Variants in CAGE1 observed in about 807,000 individuals in gnomAD.
CAGE1 encodes the protein cancer antigen 1.
A neutral mutation model predicts 94.9 loss-of-function variants in CAGE1; 66 were observed. The observed-to-expected ratio is 0.70, with a 90% CI of 0.57 to 0.85. The LOEUF is 0.85. Ranked by LOEUF, CAGE1 falls within the 40% of genes least tolerant of loss-of-function variation. The pLI is 0.00. For missense variants in CAGE1, 865 were observed against 950.4 expected, an observed-to-expected ratio of 0.91 and a Z score of 1.18; for synonymous variants, 319 against 321.0, an observed-to-expected ratio of 0.99 and a Z score of 0.07.
At chr6:7,344,976 C>G (rs900507886) in intron 11 of CAGE1, among the ~76,000 whole-genome samples, 1 of 152,164 alleles carries the variant, frequency 6.6e-6, no homozygotes, top group East Asian at 1.9e-4. Flanking sequence ...ACAGGCCACT[C>G]GGCTCTACCA....
At chr6:7,344,606 A>ACGGCC in intron 11 of CAGE1, among the ~76,000 whole-genome samples, 1 of 151,918 alleles carries the variant, frequency 6.6e-6, no homozygotes, top group South Asian at 2.1e-4. Flanking sequence ...GTGCGGGCGT[A>ACGGCC]CGGCCCGAGA....
chr6:7,366,970 A>C (rs1161209539), intron 7 of CAGE1, among the ~76,000 whole-genome samples: 2 of 152,218 alleles, frequency 1.3e-5, no homozygotes, highest in African/African-American at 4.8e-5. Context: ...GTATAATAAT[A>C]ATCTTAATAT....
At chr6:7,384,908 A>G (rs1016804291) in intron 3 of CAGE1, among the ~76,000 whole-genome samples, 6 of 151,676 alleles carry the variant, frequency 4.0e-5, no homozygotes, top group East Asian at 1.9e-4. Context: ...CTATTGCCCA[A>G]TCTGATTTCA....
chr6:7,347,772 T>A (rs1759616247), intron 11 of CAGE1, among the ~76,000 whole-genome samples: 1 of 151,112 alleles, frequency 6.6e-6, no homozygotes, highest in Non-Finnish European at 1.5e-5. Flanking sequence ...TGTGTGGGAG[T>A]TGGGTGAGGC....
intron 11 of CAGE1, among the ~76,000 whole-genome samples, chr6:7,348,516 A>T (rs1411054722): frequency 6.6e-6 from 1 of 152,174 alleles, no homozygotes; most frequent in Non-Finnish European, 1.5e-5. Context: ...GCTCTTTAAC[A>T]TCCCCCAAAA....
At chr6:7,332,210 A>G (rs1259688941) in intron 12 of CAGE1, among the ~76,000 whole-genome samples, 3 of 152,156 alleles carry the variant, frequency 2.0e-5, no homozygotes, top group Non-Finnish European at 2.9e-5. Context: ...AGCAAAGGCC[A>G]CAGGACAGCT....
chr6:7,339,004 T>C lies in CAGE1; in HGVS notation c.2370-4914A>G. On this transcript the variant is annotated intron_variant, in intron 11 of 13. Transcript: ENST00000502583. This position sits in a 1 kb window ranked among gnomAD's most constrained non-coding sequence, Gnocchi z 4.7. ...TTACCAGTTGGGTCCCAGGGCAGCA[T>C]GATCTTCACCTTGATGCCCAGCACA... The C allele has an allele frequency of 6.2e-7, 1 of 1,606,970 alleles. No homozygotes were observed. Among genetic ancestry groups the C allele is most frequent in the Non-Finnish European group, 8.5e-7 (1 of 1,176,772 alleles).
chr6:7,343,508 C>T (rs1759275052), intron 11 of CAGE1, among the ~76,000 whole-genome samples: 1 of 152,084 alleles, frequency 6.6e-6, no homozygotes, highest in African/African-American at 2.4e-5. Flanking sequence ...TATGGTTTTG[C>T]ATGGAAAAAC....
rs1554137860 is a variant in CAGE1, at chr6:7,352,301, A to ACC, written c.2369+2739_2369+2740insGG. On this transcript the variant is annotated intron_variant, in intron 11 of 13. Transcript: ENST00000502583. ...TTTTACAATAGCTGCAAAAAAAAAA[A>ACC]AAAACAAAAAAAAACAAAAAAAAAA... is the stretch of plus-strand genomic sequence containing the variant. Among the ~76,000 whole-genome samples, 22 of 112,632 alleles carry ACC rather than the reference A, an allele frequency of 2.0e-4. No homozygotes were observed. The South Asian group carries it at 5.9e-3, about 30-fold the overall frequency. The allele number at this position is 112,632 out of a possible 152,430, so 73.9% of individuals were successfully genotyped here.
intron 11 of CAGE1, among the ~76,000 whole-genome samples, chr6:7,350,835 G>A (rs1164574456): frequency 6.6e-6 from 1 of 152,018 alleles, no homozygotes; most frequent in Non-Finnish European, 1.5e-5. Flanking sequence ...GACAGTCTAA[G>A]GTTACACCTC....
intron 4 of CAGE1, among the ~76,000 whole-genome samples, chr6:7,376,654 C>T (rs976093168): frequency 1.3e-5 from 2 of 152,020 alleles, no homozygotes; most frequent in African/African-American, 4.8e-5. Context: ...AGTATCTGAC[C>T]CACACCACCT....
Position 7,339,297 on chromosome 6 carries a change from A to T in CAGE1, c.2370-5207T>A. On this transcript the variant is annotated intron_variant, in intron 11 of 13. Transcript: ENST00000502583. The surrounding 1 kb of genome is among the most constrained non-coding windows in gnomAD (Gnocchi z 4.7). Reference sequence around the variant, plus strand: ...AATGGCACACAGACCCCTAGTGGCCACCTCTTCAGCATAAAGCTCTACACT... The same window carrying T: ...AATGGCACACAGACCCCTAGTGGCCTCCTCTTCAGCATAAAGCTCTACACT... 6.3e-7 allele frequency: 1 copy of T among 1,581,398 alleles called. No individual in the cohort carries two copies.
intron 4 of CAGE1, 73 bp from the exon 5 acceptor site, chr6:7,374,204 G>C (rs1760656458): frequency 8.0e-7 from 1 of 1,254,644 alleles, no homozygotes; most frequent in East Asian, 2.3e-5. Flanking sequence ...AATAGGGCTG[G>C]CCTTGAATTC....
chr6:7,378,622 A>G lies in CAGE1; in HGVS notation c.682T>C (p.Cys228Arg), dbSNP rs1281481580. The change falls in exon 4 of 14, where the codon TGT becomes CGT. Residue 228 changes from cysteine (C) to arginine (R), a missense_variant. Cys to Arg is a radical substitution (Grantham distance 180). Transcript: ENST00000502583. ...LNPSQPPSFLCKTAVPSKEIQ... is the reference protein window; with the variant it reads ...LNPSQPPSFLRKTAVPSKEIQ... The stretch of plus-strand genomic sequence containing the variant: ...ATATTATTGTGTACACTTTCCTTAC[A>G]TAAGAAGCTTGGAGGTTGGCTAGGG... The G allele has an allele frequency of 1.9e-6, 3 of 1,578,234 alleles. No homozygotes were observed. The highest frequency in any genetic ancestry group is 8.6e-7 in the Non-Finnish European group (1 of 1,167,436).
chr6:7,349,138 A>G (rs1759676433), intron 11 of CAGE1, among the ~76,000 whole-genome samples: 1 of 152,228 alleles, frequency 6.6e-6, no homozygotes, highest in African/African-American at 2.4e-5. Context: ...GATGAAAGAA[A>G]GAATCTTAAG....
chr6:7,373,471 C>A lies in CAGE1; in HGVS notation c.1348G>T (p.Glu450Ter). ...EMDKTLSKKE[E>*]EVERLQQLKK... ...AGTTGTTGTAGTCTCTCTACCTCTT[C>A]TTCTTTCTTGCTTAAGGTTTTGTCC... The change falls in exon 5 of 14, where the codon GAA becomes TAA. Residue 450 changes from glutamate (E) to a stop codon, truncating the protein, a stop_gained. Transcript: ENST00000502583. LOFTEE classifies it high-confidence loss of function. The A allele has an allele frequency of 1.9e-6, 3 of 1,613,882 alleles. No homozygotes were observed. Among genetic ancestry groups the A allele is most frequent in the Non-Finnish European group, 1.7e-6 (2 of 1,179,870 alleles).
At position 7,358,041 on chromosome 6, in the gene CAGE1, T is replaced by G. The variant is rs1278727682; in HGVS notation, c.2194-1912A>C. Among the ~76,000 whole-genome samples the G allele has an allele frequency of 7.1e-4, 60 of 83,922 alleles. 5 individuals carry two copies. The highest frequency in any genetic ancestry group is 2.3e-3 in the African/African-American group (38 of 16,446). The allele number at this position is 83,922 out of a possible 152,430, so 55.1% of individuals were successfully genotyped here. On this transcript the variant is annotated intron_variant, in intron 9 of 13. Transcript: ENST00000502583. ...GTAAGTTTTGAGATATATATATATA[T>G]ATATATATATATATATATATATATA...
rs778104177 is a variant in CAGE1, at chr6:7,373,768, T to C, written c.1051A>G (p.Ile351Val). ...QMKITKQQVF[I>V]DVINKLKENV... ...TCCTTTAGCTTATTGATGACATCAATGAACACTTGCTGTTTGGTAATCTTC... is the reference window on the plus strand; with the variant it reads ...TCCTTTAGCTTATTGATGACATCAACGAACACTTGCTGTTTGGTAATCTTC... The change falls in exon 5 of 14, where the codon ATT (isoleucine) becomes GTT (valine). Residue 351 changes from isoleucine (I) to valine (V), a missense_variant. Ile to Val is a conservative substitution (Grantham distance 29, BLOSUM62 3). Transcript: ENST00000502583. 18 of 1,613,734 alleles carry C rather than the reference T, an allele frequency of 1.1e-5. No homozygotes were observed. Among genetic ancestry groups the C allele is most frequent in the Non-Finnish European group, 1.4e-5 (17 of 1,179,674 alleles).
intron 9 of CAGE1, among the ~76,000 whole-genome samples, chr6:7,363,939 AT>A (rs148909097): frequency 2.0e-5 from 3 of 152,324 alleles, no homozygotes; most frequent in African/African-American, 7.2e-5. Context: ...ACATTCTTCA[AT>A]AAAGAACTCT....
Sources: gnomAD v4.1 joint callset for allele counts (sites outside exome capture counted in the v4.1 genomes callset) on GRCh38, gnomAD v4.1.1 for gene constraint, Gnocchi (gnomAD v3.1) non-coding constraint, MANE v1.5 for transcripts, NCBI Gene and HGNC (gene_info 2026-07-23, HGNC 2026-07-21) for gene names.